The following DPP6 variants were observed in gnomAD, a reference collection of about 807,000 sequenced individuals.
DPP6 encodes dipeptidyl peptidase like 6.
A neutral mutation model predicts 122.6 loss-of-function variants in DPP6; 69 were observed. The observed-to-expected ratio is 0.56, with a 90% CI of 0.46 to 0.69. The LOEUF (loss-of-function observed/expected upper bound fraction) is 0.69. DPP6 is among the 30% of genes least tolerant of loss of function. The pLI is 0.00. For missense variants in DPP6, 928 were observed against 1,116.9 expected (o/e 0.83, Z 2.41); for synonymous variants, 418 against 433.1 (o/e 0.97, Z 0.43).
intron 1 of DPP6, among the ~76,000 whole-genome samples, chr7:153,925,523 A>G (rs768387102): frequency 6.6e-6 from 1 of 151,826 alleles, no homozygotes; most frequent in Non-Finnish European, 1.5e-5. Context: ...ATCATCCTGC[A>G]TGGTGGAGGG....
intron 1 of DPP6, among the ~76,000 whole-genome samples, chr7:154,136,090 A>C (rs901666360): frequency 2.0e-5 from 3 of 152,090 alleles, no homozygotes; most frequent in Admixed American, 6.6e-5. Context: ...GCTTTCTGAG[A>C]CCTACCTCTC....
intron 1 of DPP6, among the ~76,000 whole-genome samples, chr7:154,157,963 A>G (rs1796772523): frequency 6.8e-6 from 1 of 147,788 alleles, no homozygotes; most frequent in Non-Finnish European, 1.5e-5. Context: ...ATATGTACAT[A>G]TATATATGTA....
chr7:154,306,148 G>A (rs534038936), intron 1 of DPP6, among the ~76,000 whole-genome samples: 4 of 152,284 alleles, frequency 2.6e-5, no homozygotes, highest in Admixed American at 2.6e-4. Flanking sequence ...AGGAGGACTC[G>A]GCCGAGAAGG....
At chr7:154,147,472 TCCTTCCTTCCTTCCTTCC>T (rs1796156633) in intron 1 of DPP6, among the ~76,000 whole-genome samples, 4 of 141,574 alleles carry the variant, frequency 2.8e-5, no homozygotes, top group African/African-American at 9.1e-5. Flanking sequence ...CTTCCTTCCT[TCCTTCCTTCCTTCCTTCC>T]TTTCTTTTTC....
At chr7:154,551,013 G>A (rs1829594155) in intron 4 of DPP6, among the ~76,000 whole-genome samples, 1 of 152,040 alleles carries the variant, frequency 6.6e-6, no homozygotes, top group Admixed American at 6.6e-5. Context: ...ACAAAATTGG[G>A]ACCTATTCAT....
chr7:154,075,387 C>T (rs1452098512), intron 1 of DPP6, among the ~76,000 whole-genome samples: 1 of 151,300 alleles, frequency 6.6e-6, no homozygotes, highest in African/African-American at 2.4e-5. Context: ...CTCACAATTG[C>T]AAAAATATGG....
chr7:154,052,195 C>T (rs1366951695), upstream of DPP6, among the ~76,000 whole-genome samples: 1 of 151,688 alleles, frequency 6.6e-6, no homozygotes, highest in African/African-American at 2.4e-5. This position sits in a 1 kb window ranked among gnomAD's most constrained non-coding sequence, Gnocchi z 4.8. Flanking sequence ...ACCCACGACC[C>T]GCGTGGTCCC....
At chr7:154,273,380 C>T (rs910710770) in intron 1 of DPP6, among the ~76,000 whole-genome samples, 4 of 152,182 alleles carry the variant, frequency 2.6e-5, no homozygotes, top group Admixed American at 6.5e-5. Flanking sequence ...ATACAACCTG[C>T]GTTACAGCCA....
intron 7 of DPP6, among the ~76,000 whole-genome samples, chr7:154,681,493 G>A (rs759807926): frequency 6.6e-6 from 1 of 152,202 alleles, no homozygotes; most frequent in Non-Finnish European, 1.5e-5. Context: ...ATGATGGGGC[G>A]TGGAGCCGCA....
chr7:153,945,996 T>G (rs1801931398), intron 1 of DPP6, among the ~76,000 whole-genome samples: 1 of 152,128 alleles, frequency 6.6e-6, no homozygotes, highest in Non-Finnish European at 1.5e-5. Flanking sequence ...GTGGAAGGAT[T>G]CCAAGAGCAG....
At chr7:154,293,557 T>G (rs1396229048) in intron 1 of DPP6, among the ~76,000 whole-genome samples, 1 of 152,176 alleles carries the variant, frequency 6.6e-6, no homozygotes, top group Non-Finnish European at 1.5e-5. Context: ...TAGCACAATT[T>G]GGAAACATCT....
intron 3 of DPP6, among the ~76,000 whole-genome samples, chr7:154,494,467 C>T (rs866102985): frequency 1.3e-5 from 2 of 150,432 alleles, no homozygotes; most frequent in Non-Finnish European, 1.5e-5. Context: ...TTTAATATTA[C>T]TAACAAACTT....
rs372988088 is a variant in DPP6, at chr7:154,492,907, A to G, written c.457+17870A>G. On this transcript the variant is annotated intron_variant, in intron 3 of 25. Transcript: ENST00000377770. ...TCACTGAAGGGTTGAGGCTTGTTTT[A>G]AACGAGTCCAGAACTAAGATGTAAC... Among the ~76,000 whole-genome samples, 131 of 152,350 alleles carry G rather than the reference A, an allele frequency of 8.6e-4. 1 individual carries two copies. The highest frequency in any genetic ancestry group is 3.0e-3 in the African/African-American group (125 of 41,578).
chr7:153,809,140 T>C, the DPP6 span, among the ~76,000 whole-genome samples: 2 of 152,094 alleles, frequency 1.3e-5, no homozygotes, highest in East Asian at 3.9e-4. Flanking sequence ...GTTTCCCTGA[T>C]GATTAGTGGT....
At chr7:153,835,492 ATACAT>A in the DPP6 span, among the ~76,000 whole-genome samples, 1 of 152,130 alleles carries the variant, frequency 6.6e-6, no homozygotes, top group African/African-American at 2.4e-5. Flanking sequence ...TATTAGTTCT[ATACAT>A]ACATAAGATT....
At chr7:154,252,923 G>A (rs1281172642) in intron 1 of DPP6, among the ~76,000 whole-genome samples, 1 of 152,190 alleles carries the variant, frequency 6.6e-6, no homozygotes, top group East Asian at 1.9e-4. Flanking sequence ...CTGTTTAAGA[G>A]AAGTCTAGTC....
chr7:153,812,739 C>A, the DPP6 span, among the ~76,000 whole-genome samples: 4 of 152,138 alleles, frequency 2.6e-5, no homozygotes, highest in Non-Finnish European at 4.4e-5. Context: ...TTGACTCAGG[C>A]ATTGAAGTAG....
chr7:153,927,528 A>T (rs11772268), intron 1 of DPP6, among the ~76,000 whole-genome samples: 37,144 of 152,150 alleles, frequency 0.24, 4,838 homozygotes, highest in Middle Eastern at 0.32. Flanking sequence ...CTTCAGTGAT[A>T]TCCATTGTAA....
chr7:154,250,278 T>C (rs1208458725), intron 1 of DPP6, among the ~76,000 whole-genome samples: 1 of 152,126 alleles, frequency 6.6e-6, no homozygotes, highest in East Asian at 1.9e-4. Flanking sequence ...TGAGGGGTTT[T>C]GTCTGTGGCT....
Sources: allele counts gnomAD v4.1 joint callset (sites outside exome capture counted in the v4.1 genomes callset), GRCh38; gene constraint gnomAD v4.1.1; non-coding constraint Gnocchi (gnomAD v3.1); transcripts MANE v1.5; gene names NCBI Gene and HGNC (gene_info 2026-07-23, HGNC 2026-07-21).